The following PHACTR3 variants were observed in gnomAD, a reference collection of about 807,000 sequenced individuals.
PHACTR3 encodes protein phosphatase 1, regulatory subunit 123.
A neutral mutation model predicts 66.8 loss-of-function variants in PHACTR3; 16 were observed. The observed-to-expected ratio is 0.24, with a 90% CI of 0.16 to 0.36. The LOEUF is 0.36. PHACTR3 is among the 10% of genes least tolerant of loss of function. The probability of loss-of-function intolerance (pLI) is 1.00; values close to 1 mark genes in which losing one functional copy is unlikely to be tolerated. For missense variants in PHACTR3, 647 were observed against 719.9 expected, an observed-to-expected ratio of 0.90 and a Z score of 1.16; for synonymous variants, 323 against 292.1, an observed-to-expected ratio of 1.11 and a Z score of -1.08.
intron 1 of PHACTR3, among the ~76,000 whole-genome samples, chr20:59,649,429 A>C (rs1425742422): frequency 6.6e-6 from 1 of 152,178 alleles, no homozygotes; most frequent in East Asian, 1.9e-4. Context: ...TAGCAGCAAC[A>C]TGTTTTCTTT....
intron 1 of PHACTR3, among the ~76,000 whole-genome samples, chr20:59,665,699 G>A (rs1395502147): frequency 1.3e-5 from 2 of 152,082 alleles, no homozygotes; most frequent in African/African-American, 4.8e-5. Context: ...GCCTGCAGAG[G>A]GGCTGAGAGG....
intron 1 of PHACTR3, among the ~76,000 whole-genome samples, chr20:59,678,466 G>A (rs1374651972): frequency 1.3e-5 from 2 of 152,276 alleles, no homozygotes; most frequent in East Asian, 3.9e-4. Context: ...CCTGTCTAGG[G>A]CCTCTTAGGA....
chr20:59,667,314 C>T (rs1408867164), intron 1 of PHACTR3, among the ~76,000 whole-genome samples: 1 of 152,246 alleles, frequency 6.6e-6, no homozygotes, highest in Non-Finnish European at 1.5e-5. Context: ...GGGGCTCCCA[C>T]AATAGGAGTA....
chr20:59,730,146 C>CA (rs2038711634), intron 1 of PHACTR3, among the ~76,000 whole-genome samples: 2 of 152,126 alleles, frequency 1.3e-5, no homozygotes, highest in Non-Finnish European at 2.9e-5. Context: ...TCTCTGCTCT[C>CA]ACGGTCAAGT....
chr20:59,667,300 C>A (rs2036024149), intron 1 of PHACTR3, among the ~76,000 whole-genome samples: 1 of 152,258 alleles, frequency 6.6e-6, no homozygotes, highest in Non-Finnish European at 1.5e-5. Context: ...GCCCAATGAG[C>A]TGTGGGGCTC....
chr20:59,651,232 A>G (rs1438734405), intron 1 of PHACTR3, among the ~76,000 whole-genome samples: 1 of 152,210 alleles, frequency 6.6e-6, no homozygotes, highest in Non-Finnish European at 1.5e-5. Context: ...AAAGTAAAAA[A>G]TGTAAATGAA....
At chr20:59,716,386 G>A (rs1014277089) in intron 1 of PHACTR3, among the ~76,000 whole-genome samples, 7 of 151,978 alleles carry the variant, frequency 4.6e-5, no homozygotes, top group African/African-American at 1.7e-4. Flanking sequence ...CCAAGAAGCT[G>A]GAATTATAGG....
chr20:59,586,676 G>A (rs2033038662), intron 1 of PHACTR3, among the ~76,000 whole-genome samples: 1 of 152,196 alleles, frequency 6.6e-6, no homozygotes, highest in Admixed American at 6.5e-5. Flanking sequence ...GCGTTTGCTT[G>A]GGAGTCACTG....
intron 1 of PHACTR3, among the ~76,000 whole-genome samples, chr20:59,627,832 A>T (rs1401621153): frequency 1.3e-5 from 2 of 152,158 alleles, no homozygotes; most frequent in Non-Finnish European, 2.9e-5. Flanking sequence ...TCTAGCATCT[A>T]GTCATCAATC....
intron 8 of PHACTR3, among the ~76,000 whole-genome samples, chr20:59,816,632 A>G (rs754226602): frequency 5.2e-4 from 79 of 152,220 alleles, no homozygotes; most frequent in Non-Finnish European, 1.3e-4. Flanking sequence ...CTTTCCTTTA[A>G]GGAAGGAAGA....
At chr20:59,743,651 C>A (rs1357384481) in intron 2 of PHACTR3, among the ~76,000 whole-genome samples, 1 of 152,224 alleles carries the variant, frequency 6.6e-6, no homozygotes, top group Non-Finnish European at 1.5e-5. Context: ...AGCCCCCAGC[C>A]CACGCGACTC....
intron 8 of PHACTR3, among the ~76,000 whole-genome samples, chr20:59,826,163 G>A (rs1341879379): frequency 3.3e-5 from 5 of 151,756 alleles, no homozygotes; most frequent in Non-Finnish European, 7.4e-5. Flanking sequence ...GACCAAAGGA[G>A]GACAAGGTAT....
intron 8 of PHACTR3, among the ~76,000 whole-genome samples, chr20:59,816,637 G>A (rs1416018359): frequency 1.3e-5 from 2 of 152,230 alleles, no homozygotes; most frequent in African/African-American, 4.8e-5. Context: ...CTTTAAGGAA[G>A]GAAGAAACTT....
intron 7 of PHACTR3, among the ~76,000 whole-genome samples, chr20:59,803,773 C>T (rs1031659453): frequency 1.3e-5 from 2 of 152,148 alleles, no homozygotes; most frequent in Non-Finnish European, 2.9e-5. Flanking sequence ...CCGGGATGAA[C>T]ATCCTTTCAT....
intron 7 of PHACTR3, among the ~76,000 whole-genome samples, chr20:59,778,215 G>T (rs944843364): frequency 6.6e-6 from 1 of 152,126 alleles, no homozygotes; most frequent in African/African-American, 2.4e-5. Flanking sequence ...CCACACAGGT[G>T]GCCACAGGAC....
intron 1 of PHACTR3, among the ~76,000 whole-genome samples, chr20:59,641,305 T>G (rs1053478927): frequency 6.6e-6 from 1 of 152,106 alleles, no homozygotes; most frequent in African/African-American, 2.4e-5. Context: ...TCTATCTAGA[T>G]GTATTAGAAG....
At chr20:59,604,134 C>G (rs1438031797), upstream of PHACTR3, among the ~76,000 whole-genome samples, 1 of 151,940 alleles carries the variant, frequency 6.6e-6, no homozygotes, top group Non-Finnish European at 1.5e-5. Flanking sequence ...CAGGCCCAGG[C>G]CAGGTGGTTG....
chr20:59,791,594 CTT>C (rs529215124), intron 7 of PHACTR3, among the ~76,000 whole-genome samples: 19 of 143,136 alleles, frequency 1.3e-4, no homozygotes, highest in Admixed American at 2.1e-4. Context: ...TTTCTTTTTT[CTT>C]TTTTTTTTTT....
intron 1 of PHACTR3, among the ~76,000 whole-genome samples, chr20:59,739,096 G>A (rs1222407051): frequency 6.6e-6 from 1 of 152,164 alleles, no homozygotes; most frequent in Non-Finnish European, 1.5e-5. Context: ...GTGGCCGGGA[G>A]GATCTGTGGT....
Sources: allele counts gnomAD v4.1 joint callset (sites outside exome capture counted in the v4.1 genomes callset), GRCh38; gene constraint gnomAD v4.1.1; transcripts MANE v1.5; gene names NCBI Gene and HGNC (gene_info 2026-07-23, HGNC 2026-07-21).